BRIP1: variants seen among roughly 807,000 people sequenced by gnomAD.
BRIP1 encodes the protein BRCA1 interacting DNA helicase 1.
BRIP1 carries 88 observed loss-of-function variants against 119.7 expected under a neutral mutation model. The observed-to-expected ratio is 0.74, with a 90% CI of 0.62 to 0.88. The LOEUF is 0.88. BRIP1 is among the 40% of genes least tolerant of loss of function. The pLI, the probability that BRIP1 is intolerant of heterozygous loss-of-function variation, is 0.00. For synonymous variants in BRIP1, 443 were observed against 496.5 expected (o/e 0.89, Z 1.43); for missense variants, 1,259 against 1,455.4 (o/e 0.87, Z 2.20).
chr17:61,862,106 C>T lies in BRIP1; in HGVS notation c.-30-537G>A, dbSNP rs1375606070. ...GACCAGAAGTCAGGAAGCATAGGTT[C>T]TATACCAGGTTTTGGTATACTGCCT... On this transcript the variant is annotated intron_variant, in intron 1 of 19. Transcript: ENST00000259008. The surrounding 1 kb of genome is among the most constrained non-coding windows in gnomAD (Gnocchi z 5.3). The T allele has an allele frequency of 6.3e-6, 1 of 158,678 alleles. No individual in the cohort carries two copies. Among genetic ancestry groups the T allele is most frequent in the Non-Finnish European group, 1.4e-5 (1 of 71,876 alleles). The allele number at this position is 158,678 out of a possible 1,614,324, so 9.8% of individuals were successfully genotyped here. A position where few individuals can be genotyped will look rare whatever the true frequency, so the allele number is the denominator to read the frequency against.
intron 14 of BRIP1, among the ~76,000 whole-genome samples, chr17:61,771,762 C>A (rs976686478): frequency 6.6e-6 from 1 of 152,114 alleles, no homozygotes; most frequent in Non-Finnish European, 1.5e-5. Flanking sequence ...GAGTTCAAGA[C>A]CAGCCTGGCC....
intron 16 of BRIP1, among the ~76,000 whole-genome samples, chr17:61,719,087 G>C (rs2144430356): frequency 6.6e-6 from 1 of 152,018 alleles, no homozygotes; most frequent in East Asian, 1.9e-4. Context: ...TAAATACAGA[G>C]GGCCAGTTGT....
rs142248246 is a variant in BRIP1 at position 61,751,355 on chromosome 17, C to A, written c.2098-6764G>T. Among the ~76,000 whole-genome samples the A allele has an allele frequency of 6.6e-6, 1 of 152,202 alleles. No homozygotes were observed. Among genetic ancestry groups the A allele is most frequent in the Non-Finnish European group, 1.5e-5 (1 of 68,006 alleles). On this transcript the variant is annotated intron_variant, in intron 14 of 19. Coordinates refer to ENST00000259008, the MANE Select transcript of BRIP1 (RefSeq NM_032043.3). The surrounding 1 kb of genome is among the most constrained non-coding windows in gnomAD (Gnocchi z 6.7). ...AGGGGCTAAACAGGAGTCATTGTTC[C>A]ATCAGTACAGTTTCTGACTGGGATG... is the stretch of plus-strand genomic sequence containing the variant.
In BRIP1 at chr17:61,847,107, T is replaced by C. The variant is rs771891225; in HGVS notation, c.621A>G (p.Pro207=). ...SPLEKINSFS[P]QKPPGHCSRC... ...CAATGGCATTAATACATACTTTCTG[T>C]GGCGAAAAGGAGTTTATCTTTTCCA... Residue 207 remains proline, a synonymous_variant, in exon 6 of 20, where the codon CCA becomes CCG. Coordinates refer to ENST00000259008, the MANE Select transcript of BRIP1 (RefSeq NM_032043.3). The C allele has an allele frequency of 1.2e-6, 2 of 1,613,936 alleles. No individual in the cohort carries two copies. Among genetic ancestry groups the C allele is most frequent in the Non-Finnish European group, 1.7e-6 (2 of 1,179,882 alleles).
chr17:61,829,939 T>TC (rs2078465039), intron 6 of BRIP1, among the ~76,000 whole-genome samples: 1 of 150,422 alleles, frequency 6.6e-6, no homozygotes, highest in African/African-American at 2.4e-5. Flanking sequence ...TTTTTTTTTT[T>TC]CTTTTTTTTT....
In BRIP1 at chr17:61,776,746, T is replaced by TAG. The variant is rs2077541370; in HGVS notation, c.1936-186_1936-185dup. On this transcript the variant is annotated intron_variant, in intron 13 of 19. Transcript: ENST00000259008. This position sits in a 1 kb window ranked among gnomAD's most constrained non-coding sequence, Gnocchi z 5.0. ...GATTTAATTTATAAATGTTTTGCTT[T>TAG]AGGCAGATCACTAAATTCTCTTAGA... Among the ~76,000 whole-genome samples, 1 of 152,358 alleles carries TAG rather than the reference T, an allele frequency of 6.6e-6. No homozygotes were observed. The highest frequency in any genetic ancestry group is 2.1e-4 in the South Asian group (1 of 4,826).
Position 61,748,759 on chromosome 17 carries a change from T to G in BRIP1, c.2098-4168A>C, listed in dbSNP as rs551707268. On this transcript the variant is annotated intron_variant, in intron 14 of 19. Coordinates refer to ENST00000259008, the MANE Select transcript of BRIP1 (RefSeq NM_032043.3). This position sits in a 1 kb window ranked among gnomAD's most constrained non-coding sequence, Gnocchi z 4.7. Reference sequence around the variant, plus strand: ...AACAAATAGTTCAGGGCAAACAATATCCACATGCAAAAGAATAAAACTGGA... The same window carrying G: ...AACAAATAGTTCAGGGCAAACAATAGCCACATGCAAAAGAATAAAACTGGA... Among the ~76,000 whole-genome samples the G allele has an allele frequency of 7.2e-5, 11 of 152,292 alleles. No homozygotes were observed. In the South Asian group the frequency reaches 2.3e-3, roughly 32 times the overall value.
At chr17:61,764,625 C>G (rs2077324740) in intron 14 of BRIP1, among the ~76,000 whole-genome samples, 1 of 152,078 alleles carries the variant, frequency 6.6e-6, no homozygotes, top group African/African-American at 2.4e-5. Context: ...AAGATTGTAA[C>G]CAAGATGAAA....
In BRIP1 at chr17:61,734,625, T is replaced by A. The variant is rs2076893727; in HGVS notation, c.2379+8388A>T. ...ACTTGGCTCCAAAATGAAATTTTCC[T>A]ACCTCTACTTTCTAGTCCCTAAGGT... On this transcript the variant is annotated intron_variant, in intron 16 of 19. Transcript: ENST00000259008. The surrounding 1 kb of genome is among the most constrained non-coding windows in gnomAD (Gnocchi z 5.2). Among the ~76,000 whole-genome samples the A allele has an allele frequency of 6.6e-6, 1 of 152,332 alleles. No individual in the cohort carries two copies. The highest frequency in any genetic ancestry group is 1.9e-4 in the East Asian group (1 of 5,178).
rs958024136 is a variant in BRIP1, at chr17:61,687,113, A to G, written c.2576-948T>C. On this transcript the variant is annotated intron_variant, in intron 18 of 19. Transcript: ENST00000259008. The surrounding 1 kb of genome is among the most constrained non-coding windows in gnomAD (Gnocchi z 5.1). The stretch of plus-strand genomic sequence containing the variant: ...TTTTAGGCTGAGTGTGGTGGCTCAC[A>G]TGTATAATCCCAGCATTTGGGGAGG... Among the ~76,000 whole-genome samples the G allele has an allele frequency of 1.3e-5, 2 of 152,102 alleles. No homozygotes were observed. The highest frequency in any genetic ancestry group is 4.8e-5 in the African/African-American group (2 of 41,406).
rs1328837569 is a variant in BRIP1 at position 61,754,103 on chromosome 17, C to A, written c.2098-9512G>T. Among the ~76,000 whole-genome samples, 1 of 152,202 alleles carries A rather than the reference C, an allele frequency of 6.6e-6. No individual in the cohort carries two copies. Among genetic ancestry groups the A allele is most frequent in the Non-Finnish European group, 1.5e-5 (1 of 68,038 alleles). On this transcript the variant is annotated intron_variant, in intron 14 of 19. Coordinates refer to ENST00000259008, the MANE Select transcript of BRIP1 (RefSeq NM_032043.3). The surrounding 1 kb of genome is among the most constrained non-coding windows in gnomAD (Gnocchi z 4.1). ...TGCTTCAGCCTATGCTCTCTACAGT[C>A]CATTTTCCATACAGCAGCCAACATA... is the stretch of plus-strand genomic sequence containing the variant.
rs566259307 is a variant in BRIP1 at position 61,736,307 on chromosome 17, G to A, written c.2379+6706C>T. ...TGTGCCACTGCACTCCAACCTGGGC[G>A]ACAGAACAAGACCTTGTCTATAAAA... On this transcript the variant is annotated intron_variant, in intron 16 of 19. Transcript: ENST00000259008. This position sits in a 1 kb window ranked among gnomAD's most constrained non-coding sequence, Gnocchi z 4.4. 4.6e-5 allele frequency among the ~76,000 whole-genome samples: 7 copies of A among 152,100 alleles called. No individual in the cohort carries two copies. The highest frequency in any genetic ancestry group is 2.1e-4 in the South Asian group (1 of 4,808).
Position 61,776,143 on chromosome 17 carries a change from A to C in BRIP1, c.2097+258T>G. On this transcript the variant is annotated intron_variant, in intron 14 of 19. Coordinates refer to ENST00000259008, the MANE Select transcript of BRIP1 (RefSeq NM_032043.3). This position sits in a 1 kb window ranked among gnomAD's most constrained non-coding sequence, Gnocchi z 5.0. Reference sequence around the variant, plus strand: ...GTGATCCTCCCAGCTCAGCCTCCCAACCTGCTGGGATTACAAGCATGAGCC... The same window carrying C: ...GTGATCCTCCCAGCTCAGCCTCCCACCCTGCTGGGATTACAAGCATGAGCC... The C allele has an allele frequency of 2.3e-6, 1 of 440,126 alleles. No homozygotes were observed. Among genetic ancestry groups the C allele is most frequent in the South Asian group, 2.2e-5 (1 of 45,592 alleles). 27.3% of individuals were successfully genotyped at this position (440,126 alleles called of 1,614,324 possible).
intron 7 of BRIP1, 130 bp from the exon 8 acceptor site, chr17:61,801,604 A>ACCTGGCTAAT: frequency 1.2e-6 from 1 of 833,650 alleles, no homozygotes; most frequent in Non-Finnish European, 1.9e-6. Flanking sequence ...ACGCCACCAC[A>ACCTGGCTAAT]CCTGGCTAAT....
In BRIP1 at chr17:61,774,945, G is replaced by A. The variant is rs2077511838; in HGVS notation, c.2097+1456C>T. Among the ~76,000 whole-genome samples, 2 of 152,114 alleles carry A rather than the reference G, an allele frequency of 1.3e-5. No individual in the cohort carries two copies. Among genetic ancestry groups the A allele is most frequent in the African/African-American group, 4.8e-5 (2 of 41,440 alleles). On this transcript the variant is annotated intron_variant, in intron 14 of 19. Coordinates refer to ENST00000259008, the MANE Select transcript of BRIP1 (RefSeq NM_032043.3). The surrounding 1 kb of genome is among the most constrained non-coding windows in gnomAD (Gnocchi z 5.8). ...ATCTCCCTTTTTGTGACTATGACTG[G>A]AAAATATAAAAAGGTTTTAGCAATG...
Position 61,691,881 on chromosome 17 carries a change from A to C in BRIP1, c.2575+1549T>G, listed in dbSNP as rs1400608402. ...ACATTACACAGCTGTAGTAGTCAAA[A>C]AAGTATGGTACTGGCATAAAGAGAA... On this transcript the variant is annotated intron_variant, in intron 18 of 19. Transcript: ENST00000259008. This position sits in a 1 kb window ranked among gnomAD's most constrained non-coding sequence, Gnocchi z 5.0. Among the ~76,000 whole-genome samples, 3 of 152,266 alleles carry C rather than the reference A, an allele frequency of 2.0e-5. No homozygotes were observed. The highest frequency in any genetic ancestry group is 4.8e-5 in the African/African-American group (2 of 41,468).
Position 61,846,991 on chromosome 17 carries a change from G to A in BRIP1, c.627+110C>T, listed in dbSNP as rs1249420749. On this transcript the variant is annotated intron_variant, in intron 6 of 19. Transcript: ENST00000259008. This position sits in a 1 kb window ranked among gnomAD's most constrained non-coding sequence, Gnocchi z 4.3. ...GTGACAGCATTGAGGACTTCTGAGTGGGTTGCTACTGTCCTTTGTATTATA... is the reference window on the plus strand; with the variant it reads ...GTGACAGCATTGAGGACTTCTGAGTAGGTTGCTACTGTCCTTTGTATTATA... 6.0e-6 allele frequency: 8 copies of A among 1,327,694 alleles called. No individual in the cohort carries two copies. The highest frequency in any genetic ancestry group is 8.5e-6 in the Non-Finnish European group (8 of 940,476). 82.2% of individuals were successfully genotyped at this position (1,327,694 alleles called of 1,614,324 possible).
chr17:61,750,515 C>T lies in BRIP1; in HGVS notation c.2098-5924G>A, dbSNP rs534406053. The stretch of plus-strand genomic sequence containing the variant: ...AACTAAAGAAAAATACAGATAAACT[C>T]GGATTTCATAAAAAATTATAAAACT... On this transcript the variant is annotated intron_variant, in intron 14 of 19. Transcript: ENST00000259008. 9.2e-5 allele frequency among the ~76,000 whole-genome samples: 14 copies of T among 152,014 alleles called. 1 individual carries two copies. The South Asian group carries it at 2.1e-3, about 23-fold the overall frequency.
intron 17 of BRIP1, among the ~76,000 whole-genome samples, chr17:61,698,030 T>C (rs566894579): frequency 6.6e-6 from 1 of 152,298 alleles, no homozygotes; most frequent in Admixed American, 6.5e-5. Flanking sequence ...GGTCTCGAAC[T>C]CCTGACCTCA....
Sources: allele counts gnomAD v4.1 joint callset (sites outside exome capture counted in the v4.1 genomes callset), GRCh38; gene constraint gnomAD v4.1.1; non-coding constraint Gnocchi (gnomAD v3.1); transcripts MANE v1.5; gene names NCBI Gene and HGNC (gene_info 2026-07-23, HGNC 2026-07-21).